Variants in HOXA3 observed in about 807,000 individuals in gnomAD.
The protein encoded by HOXA3 is homeobox protein Hox-A3.
HOXA3 carries 8 observed loss-of-function variants against 30.3 expected under a neutral mutation model. The ratio of observed to expected loss-of-function variants is 0.26; its 90% confidence interval spans 0.15 to 0.48. The LOEUF (loss-of-function observed/expected upper bound fraction) is 0.48. HOXA3 is among the 20% of genes least tolerant of loss of function. The pLI is 0.99. For synonymous variants in HOXA3, 323 were observed against 273.1 expected, an observed-to-expected ratio of 1.18 and a Z score of -1.80; for missense variants, 653 against 614.4, an observed-to-expected ratio of 1.06 and a Z score of -0.66.
Position 27,108,557 on chromosome 7 carries a change from G to A in HOXA3, c.690C>T (p.Leu230=). The A allele has an allele frequency of 6.2e-7, 1 of 1,614,186 alleles. No homozygotes were observed. Among genetic ancestry groups the A allele is most frequent in the Non-Finnish European group, 8.5e-7 (1 of 1,180,012 alleles). Residue 230 remains leucine (L), a synonymous_variant, in exon 6 of 6, where the codon CTC becomes CTT. Transcript: ENST00000612286. This position sits in a 1 kb window ranked among gnomAD's most constrained non-coding sequence, Gnocchi z 5.0. ...ACCAGATCTTGATCTGGCGCTCAGT[G>A]AGGTTCAGCAGATTGGCCATCTCCA... ...RRVEMANLLN[L]TERQIKIWFQ...
chr7:27,139,108 GA>G (rs1289013463), intron 2 of HOXA3, among the ~76,000 whole-genome samples: 1 of 152,192 alleles, frequency 6.6e-6, no homozygotes, highest in Non-Finnish European at 1.5e-5. Context: ...AGAAGGAGAG[GA>G]ACAGGAAAGA....
Position 27,108,247 on chromosome 7 carries a change from C to T in HOXA3, c.1000G>A (p.Ala334Thr). The change falls in exon 6 of 6, where the codon GCG (alanine) becomes ACG (threonine). Residue 334 changes from alanine to threonine, a missense_variant. Ala to Thr is a moderately conservative substitution (Grantham distance 58, BLOSUM62 0). Coordinates refer to ENST00000612286, the MANE Select transcript of HOXA3 (RefSeq NM_153631.3). This position sits in a 1 kb window ranked among gnomAD's most constrained non-coding sequence, Gnocchi z 5.0. ...PPQKRYTAAG[A>T]GAGGTPDYDP... ...TAGTCGGGGGTGCCCCCTGCGCCCG[C>T]CCCTGCCGCCGTGTAGCGCTTCTGT... The T allele has an allele frequency of 2.0e-6, 3 of 1,518,744 alleles. No homozygotes were observed. Among genetic ancestry groups the T allele is most frequent in the Non-Finnish European group, 2.6e-6 (3 of 1,133,752 alleles). The allele number at this position is 1,518,744 out of a possible 1,614,324, so 94.1% of individuals were successfully genotyped here.
chr7:27,107,848 A>AG lies in HOXA3; in HGVS notation c.*66_*67insC. 8.9e-7 allele frequency: 1 copy of AG among 1,128,570 alleles called. No homozygotes were observed. Among genetic ancestry groups the AG allele is most frequent in the African/African-American group, 1.6e-5 (1 of 63,632 alleles). The allele number at this position is 1,128,570 out of a possible 1,614,324, so 69.9% of individuals were successfully genotyped here. A position where few individuals can be genotyped will look rare whatever the true frequency, so the allele number is the denominator to read the frequency against. On this transcript the variant is annotated 3_prime_UTR_variant, in exon 6 of 6. Transcript: ENST00000612286. ...GGAAGAACCTAAAAAAAAAAAAAAA[A>AG]AAAAGCAACCAAAGAAAAAAGGTGG...
intron 2 of HOXA3, chr7:27,128,740 T>G (rs1785387632): frequency 5.6e-6 from 1 of 178,510 alleles, no homozygotes; most frequent in African/African-American, 2.4e-5. Context: ...TCTTAAGAAT[T>G]AAATAATCTT....
intron 4 of HOXA3, chr7:27,116,145 G>A (rs1784711891): frequency 6.6e-6 from 1 of 152,628 alleles, no homozygotes; most frequent in Non-Finnish European, 1.5e-5. Context: ...GGACCCCTTG[G>A]TTCCACCAAT....
In HOXA3 at chr7:27,107,722, G is replaced by A; in HGVS notation, c.*193C>T. The A allele has an allele frequency of 2.1e-6, 1 of 468,512 alleles. No individual in the cohort carries two copies. Among genetic ancestry groups the A allele is most frequent in the South Asian group, 5.1e-5 (1 of 19,760 alleles). 29.0% of individuals were successfully genotyped at this position (468,512 alleles called of 1,614,324 possible). A position where few individuals can be genotyped will look rare whatever the true frequency, so the allele number is the denominator to read the frequency against. ...TACAGCCATTCCAGCAACCAAGATT[G>A]CTACGTCACATAAACTATAAAAACG... On this transcript the variant is annotated 3_prime_UTR_variant, in exon 6 of 6. Transcript: ENST00000612286.
At chr7:27,146,113 C>A (rs1053223845) in intron 1 of HOXA3, among the ~76,000 whole-genome samples, 1 of 152,192 alleles carries the variant, frequency 6.6e-6, no homozygotes, top group African/African-American at 2.4e-5. Context: ...CCACCTATAA[C>A]GACTTGGGGT....
rs1453199220 is a variant in HOXA3 at position 27,108,055 on chromosome 7, A to T, written c.1192T>A (p.Tyr398Asn). 3.1e-6 allele frequency: 5 copies of T among 1,612,878 alleles called. No individual in the cohort carries two copies. Among genetic ancestry groups the T allele is most frequent in the Non-Finnish European group, 4.2e-6 (5 of 1,179,292 alleles). ...CTGCCCAGCGGCCCGGCACCCCCATAGTCCATGGCGCCCGAGGCAGCGTGG... is the reference window on the plus strand; with the variant it reads ...CTGCCCAGCGGCCCGGCACCCCCATTGTCCATGGCGCCCGAGGCAGCGTGG... The part of the protein sequence containing the change: ...LPHAASGAMD[Y>N]GGAGPLGSGH... The change falls in exon 6 of 6, where the codon TAT (tyrosine) becomes AAT (asparagine). Residue 398 changes from tyrosine (Y) to asparagine (N), a missense_variant. Tyr to Asn is a moderately radical substitution (Grantham distance 143). Transcript: ENST00000612286. The surrounding 1 kb of genome is among the most constrained non-coding windows in gnomAD (Gnocchi z 5.0).
At chr7:27,136,412 T>G (rs1489164525) in intron 2 of HOXA3, among the ~76,000 whole-genome samples, 1 of 152,184 alleles carries the variant, frequency 6.6e-6, no homozygotes, top group African/African-American at 2.4e-5. Context: ...TGGAGCAGAA[T>G]GGGAGAACCT....
chr7:27,110,882 G>A (rs898464546), intron 4 of HOXA3, 122 bp from the exon 5 acceptor site: 7 of 516,384 alleles, frequency 1.4e-5, no homozygotes, highest in African/African-American at 1.2e-4. Flanking sequence ...AGCACGACTT[G>A]GCCCCGGGCG....
Position 27,107,725 on chromosome 7 carries a change from A to G in HOXA3, c.*190T>C, listed in dbSNP as rs2128037298. 2.1e-6 allele frequency: 1 copy of G among 470,010 alleles called. No individual in the cohort carries two copies. The allele number at this position is 470,010 out of a possible 1,614,324, so 29.1% of individuals were successfully genotyped here. A position where few individuals can be genotyped will look rare whatever the true frequency, so the allele number is the denominator to read the frequency against. ...AGCCATTCCAGCAACCAAGATTGCT[A>G]CGTCACATAAACTATAAAAACGCCT... On this transcript the variant is annotated 3_prime_UTR_variant, in exon 6 of 6. Coordinates refer to ENST00000612286, the MANE Select transcript of HOXA3 (RefSeq NM_153631.3).
At chr7:27,142,370 C>T (rs1474597260) in intron 1 of HOXA3, among the ~76,000 whole-genome samples, 1 of 152,176 alleles carries the variant, frequency 6.6e-6, no homozygotes, top group South Asian at 2.1e-4. Context: ...CCCCGGGCGC[C>T]CCGATCGGGA....
chr7:27,125,569 G>A (rs528310070), intron 3 of HOXA3, among the ~76,000 whole-genome samples: 19 of 152,320 alleles, frequency 1.2e-4, no homozygotes, highest in African/African-American at 3.8e-4. Context: ...TTTGGAACAC[G>A]AAGCAGAATT....
chr7:27,121,036 G>A (rs1392470218), intron 4 of HOXA3: 2 of 152,238 alleles, frequency 1.3e-5, no homozygotes, highest in Admixed American at 1.3e-4. Flanking sequence ...GGAAAAAGCA[G>A]GCAACCAAGG....
At position 27,125,619 on chromosome 7, in the gene HOXA3, A is replaced by T. The variant is rs1785249186; in HGVS notation, c.-205+1267T>A. Among the ~76,000 whole-genome samples the T allele has an allele frequency of 2.0e-5, 3 of 152,360 alleles. No homozygotes were observed. In the South Asian group the frequency reaches 6.2e-4, roughly 32 times the overall value. ...GTATAATATAGGGAAGGGGCAACAC[A>T]GCAGCAGTTGAGAAAGGTGAGCCTG... On this transcript the variant is annotated intron_variant, in intron 3 of 5. Coordinates refer to ENST00000612286, the MANE Select transcript of HOXA3 (RefSeq NM_153631.3).
Position 27,108,179 on chromosome 7 carries a change from C to A in HOXA3, c.1068G>T (p.Gly356=). The change falls in exon 6 of 6, where the codon GGG becomes GGT. Residue 356 remains glycine (G), a synonymous_variant. Transcript: ENST00000612286. The surrounding 1 kb of genome is among the most constrained non-coding windows in gnomAD (Gnocchi z 5.0). ...CGGGGCTTCCCTGTATGTGTGGGGT[C>A]CCATAGCTGCCGTTGCCCTGCAGGC... ...AHGLQGNGSY[G]TPHIQGSPVF... is the part of the protein sequence containing the mutation. The A allele has an allele frequency of 6.4e-7, 1 of 1,553,658 alleles. No individual in the cohort carries two copies. Among genetic ancestry groups the A allele is most frequent in the South Asian group, 1.2e-5 (1 of 83,752 alleles).
intron 4 of HOXA3, among the ~76,000 whole-genome samples, chr7:27,119,846 G>C (rs984172791): frequency 6.6e-6 from 1 of 152,174 alleles, no homozygotes; most frequent in Admixed American, 6.5e-5. Flanking sequence ...CCTGGCCTAA[G>C]CTGGTGACAA....
chr7:27,129,392 G>T (rs1362261029), intron 2 of HOXA3: 7 of 1,614,040 alleles, frequency 4.3e-6, no homozygotes, highest in Non-Finnish European at 5.9e-6. Flanking sequence ...TTCATCCTCC[G>T]GTTCTGAAAC....
chr7:27,147,508 G>A, intron 1 of HOXA3: 1 of 1,614,200 alleles, frequency 6.2e-7, no homozygotes, highest in Non-Finnish European at 8.5e-7. Context: ...GTCCTTATCA[G>A]AATAGAAACA....
Sources: gnomAD v4.1 joint callset for allele counts (sites outside exome capture counted in the v4.1 genomes callset) on GRCh38, gnomAD v4.1.1 for gene constraint, Gnocchi (gnomAD v3.1) non-coding constraint, MANE v1.5 for transcripts, NCBI Gene and HGNC (gene_info 2026-07-23, HGNC 2026-07-21) for gene names.